METAP1D: variants seen among roughly 807,000 people sequenced by gnomAD.
METAP1D encodes methionine aminopeptidase 1D, mitochondrial.
METAP1D carries 31 observed loss-of-function variants against 40.5 expected under a neutral mutation model. That is an observed-to-expected ratio of 0.77 (90% confidence interval 0.58 to 1.03). METAP1D has a LOEUF of 1.03. Ranked by LOEUF, METAP1D falls within the 50% of genes least tolerant of loss-of-function variation. The pLI is 0.00. For missense variants in METAP1D, 411 were observed against 420.7 expected (o/e 0.98, Z 0.20); for synonymous variants, 151 against 146.4 (o/e 1.03, Z -0.22).
At chr2:172,056,509 A>C (rs1690006666) in intron 1 of METAP1D, among the ~76,000 whole-genome samples, 1 of 152,160 alleles carries the variant, frequency 6.6e-6, no homozygotes, top group South Asian at 2.1e-4. Flanking sequence ...GCCTCCCACT[A>C]CAAGGATGTA....
chr2:172,075,065 CAA>C (rs1226160688), intron 6 of METAP1D, among the ~76,000 whole-genome samples: 2 of 152,114 alleles, frequency 1.3e-5, no homozygotes, highest in East Asian at 3.8e-4. Context: ...AAAATGGTCA[CAA>C]GATGAAATTC....
At chr2:172,079,297 C>G (rs1286123221) in intron 8 of METAP1D, 35 bp downstream of exon 8, 1 of 1,610,642 alleles carries the variant, frequency 6.2e-7, no homozygotes, top group Non-Finnish European at 8.5e-7. Context: ...GAGTGCGTAG[C>G]TCCTGGTGGA....
chr2:172,050,543 A>G (rs1416962904), intron 1 of METAP1D, among the ~76,000 whole-genome samples: 1 of 152,132 alleles, frequency 6.6e-6, no homozygotes, highest in Non-Finnish European at 1.5e-5. Context: ...GTGTGCTTTA[A>G]TATAAAATCA....
chr2:172,005,520 T>TTTTATATATA (rs1267182910), intron 1 of METAP1D, among the ~76,000 whole-genome samples: 33 of 110,950 alleles, frequency 3.0e-4, no homozygotes, highest in Non-Finnish European at 4.9e-4. Context: ...TGTCTGTATT[T>TTTTATATATA]TATATATATA....
chr2:172,070,200 A>G (rs1690390422), intron 5 of METAP1D, among the ~76,000 whole-genome samples: 1 of 152,184 alleles, frequency 6.6e-6, no homozygotes, highest in Admixed American at 6.5e-5. Flanking sequence ...GACTGATAAA[A>G]TTATACTTTC....
At chr2:172,040,771 G>C (rs1326116671) in intron 1 of METAP1D, among the ~76,000 whole-genome samples, 1 of 106,290 alleles carries the variant, frequency 9.4e-6, no homozygotes, top group Non-Finnish European at 1.7e-5. Context: ...TTTTGAGATG[G>C]AGTCTCGCTC....
At chr2:172,028,094 A>G (rs1263198479) in intron 1 of METAP1D, among the ~76,000 whole-genome samples, 1 of 152,218 alleles carries the variant, frequency 6.6e-6, no homozygotes, top group Non-Finnish European at 1.5e-5. Flanking sequence ...AACAAACATG[A>G]TAACTTCAAA....
rs111788137 is a variant in METAP1D, at chr2:172,021,838, A to C, written c.40+21829A>C. On this transcript the variant is annotated intron_variant, in intron 1 of 9. Transcript: ENST00000315796. Reference sequence around the variant, plus strand: ...GAGGGGAAAGGAGGAAGAGGAGAGCAAGTTCTGCTGGTTCAGTATTGAACT... The same window carrying C: ...GAGGGGAAAGGAGGAAGAGGAGAGCCAGTTCTGCTGGTTCAGTATTGAACT... 1.8e-4 allele frequency: 27 copies of C among 152,286 alleles called. 1 individual carries two copies. The highest frequency in any genetic ancestry group is 6.0e-4 in the African/African-American group (25 of 41,548). 9.4% of individuals were successfully genotyped at this position (152,286 alleles called of 1,614,324 possible). A position where few individuals can be genotyped will look rare whatever the true frequency, so the allele number is the denominator to read the frequency against.
chr2:172,061,482 C>T lies in METAP1D; in HGVS notation c.41-16C>T. The T allele has an allele frequency of 1.2e-6, 2 of 1,602,200 alleles. No homozygotes were observed. The highest frequency in any genetic ancestry group is 1.7e-6 in the Non-Finnish European group (2 of 1,175,050). ...GGTTGTTTTTTTACTTAAAATATGT[C>T]TGTTTCTGCTCACAGGTTCTCATAG... On this transcript the variant is annotated splice_polypyrimidine_tract_variant and intron_variant, in intron 1 of 9. Transcript: ENST00000315796.
rs1014063186 is a variant in METAP1D, at chr2:172,080,513, C to A, written c.*107C>A. ...AGGGAAATGACCGGTGGTGCGGTAACCTGCGTGGCTCCTGATAGCGTTTGG... is the reference window on the plus strand; with the variant it reads ...AGGGAAATGACCGGTGGTGCGGTAAACTGCGTGGCTCCTGATAGCGTTTGG... On this transcript the variant is annotated 3_prime_UTR_variant, in exon 10 of 10. Transcript: ENST00000315796. 8.4e-7 allele frequency: 1 copy of A among 1,193,118 alleles called. No individual in the cohort carries two copies. Among genetic ancestry groups the A allele is most frequent in the African/African-American group, 1.5e-5 (1 of 66,524 alleles). The allele number at this position is 1,193,118 out of a possible 1,614,324, so 73.9% of individuals were successfully genotyped here.
chr2:172,036,194 G>A, intron 1 of METAP1D, among the ~76,000 whole-genome samples: 2 of 150,352 alleles, frequency 1.3e-5, no homozygotes, highest in Non-Finnish European at 3.0e-5. Flanking sequence ...GCGGGTGCCT[G>A]TAGTCCCAGC....
rs1271209506 is a variant in METAP1D at position 172,043,116 on chromosome 2, TA to T, written c.41-18381del. Among the ~76,000 whole-genome samples the T allele has an allele frequency of 7.3e-3, 408 of 55,886 alleles. 81 individuals are homozygous for T. The highest frequency in any genetic ancestry group is 0.022 in the South Asian group (34 of 1,556). 36.7% of individuals were successfully genotyped at this position (55,886 alleles called of 152,430 possible). ...ACATACATATATATATATATATATA[TA>T]TTTTTTGGGATACAGGATCTCACTT... On this transcript the variant is annotated intron_variant, in intron 1 of 9. Transcript: ENST00000315796.
At chr2:172,073,466 A>C (rs1690472009) in intron 6 of METAP1D, among the ~76,000 whole-genome samples, 1 of 152,226 alleles carries the variant, frequency 6.6e-6, no homozygotes, top group Non-Finnish European at 1.5e-5. Context: ...GTCAGTTTTC[A>C]CAGAGTATGA....
At chr2:172,042,168 C>T (rs541963778) in intron 1 of METAP1D, among the ~76,000 whole-genome samples, 29,994 of 48,710 alleles carry the variant, frequency 0.62, 12,150 homozygotes, top group East Asian at 0.91. Flanking sequence ...CATGTGTACA[C>T]ATATACATAT....
chr2:172,032,371 C>A (rs1236897534), intron 1 of METAP1D, among the ~76,000 whole-genome samples: 1 of 152,150 alleles, frequency 6.6e-6, no homozygotes, highest in African/African-American at 2.4e-5. Context: ...CTTGACTCAA[C>A]CTTCCCTGTA....
At chr2:172,000,089 C>T (rs1016108747) in intron 1 of METAP1D, 80 bp downstream of exon 1, 2 of 1,222,498 alleles carry the variant, frequency 1.6e-6, no homozygotes, top group African/African-American at 3.1e-5. Context: ...GGGATGCGCA[C>T]CCGCGCTCAG....
rs916566129 is a variant in METAP1D, at chr2:172,004,616, C to T, written c.40+4607C>T. Among the ~76,000 whole-genome samples the T allele has an allele frequency of 3.9e-5, 6 of 152,106 alleles. No individual in the cohort carries two copies. In the South Asian group the frequency reaches 8.3e-4, roughly 21 times the overall value. ...CTGGGATTATAAGCATGAGCCACCACGCCCAGCCGCCAAACCAACTTATAA... is the reference window on the plus strand; with the variant it reads ...CTGGGATTATAAGCATGAGCCACCATGCCCAGCCGCCAAACCAACTTATAA... On this transcript the variant is annotated intron_variant, in intron 1 of 9. Transcript: ENST00000315796.
intron 1 of METAP1D, among the ~76,000 whole-genome samples, chr2:172,023,822 C>T (rs962793687): frequency 2.1e-4 from 31 of 150,440 alleles, no homozygotes; most frequent in Admixed American, 6.6e-5. Context: ...TGTTAATTGT[C>T]AAATCTAGGT....
intron 1 of METAP1D, among the ~76,000 whole-genome samples, chr2:172,018,582 A>G (rs1413654527): frequency 1.3e-5 from 2 of 152,162 alleles, no homozygotes; most frequent in Non-Finnish European, 2.9e-5. Flanking sequence ...TATTCTTAGG[A>G]GAGAGTAAAA....
Sources: allele counts gnomAD v4.1 joint callset (sites outside exome capture counted in the v4.1 genomes callset), GRCh38; gene constraint gnomAD v4.1.1; transcripts MANE v1.5; gene names NCBI Gene and HGNC (gene_info 2026-07-23, HGNC 2026-07-21).